GJC3: variants seen among roughly 807,000 people sequenced by gnomAD.
The protein encoded by GJC3 is gap junction protein gamma 3.
In GJC3, 17 loss-of-function variants were observed where a neutral mutation model predicts 19.8. The observed-to-expected ratio is 0.86, with a 90% CI of 0.59 to 1.29. The LOEUF (loss-of-function observed/expected upper bound fraction) is 1.29. GJC3 is among the 50% of genes most tolerant of loss of function. The pLI is 0.00. For synonymous variants in GJC3, 140 were observed against 136.5 expected (o/e 1.03, Z -0.18); for missense variants, 317 against 332.5 (o/e 0.95, Z 0.36).
rs1562786355 is a variant in GJC3, at chr7:99,929,091, C to T, written c.530G>A (p.Ser177Asn). The change falls in exon 1 of 2, where the codon AGT becomes AAT. Residue 177 changes from serine (S) to asparagine (N), a missense_variant. Coordinates refer to ENST00000312891, the MANE Select transcript of GJC3 (RefSeq NM_181538.3). ...FACRREPCLG[S>N]ITCNLSRPSE... ...GGGGCGGGACAGATTGCAGGTTATA[C>T]TACCAAGGCAAGGTTCTCGGCGACA... 10 of 1,613,974 alleles carry T rather than the reference C, an allele frequency of 6.2e-6. No homozygotes were observed. The highest frequency in any genetic ancestry group is 7.6e-6 in the Non-Finnish European group (9 of 1,180,044).
chr7:99,923,977 T>A (rs1383238619), intron 1 of GJC3, among the ~76,000 whole-genome samples: 2 of 152,186 alleles, frequency 1.3e-5, no homozygotes, highest in Non-Finnish European at 2.9e-5. Context: ...ATGTAACAGA[T>A]GCAGAATGTA....
intron 1 of GJC3, among the ~76,000 whole-genome samples, chr7:99,924,374 G>A (rs1346723428): frequency 6.6e-6 from 1 of 152,128 alleles, no homozygotes. Context: ...GATCACCTGA[G>A]GTCAGGAGTT....
In GJC3 at chr7:99,928,978, A is replaced by G. The variant is rs1385608399; in HGVS notation, c.643T>C (p.Leu215=). Residue 215 remains leucine (L), a synonymous_variant, in exon 1 of 2, where the codon TTG becomes CTG. Transcript: ENST00000312891. Reference sequence around the variant, plus strand: ...TTCCAGGTCCTCCACCATCTCCCCAAACCCAGAAGCACAAGCTCCAAAAAA... The same window carrying G: ...TTCCAGGTCCTCCACCATCTCCCCAGACCCAGAAGCACAAGCTCCAAAAAA... ...FTFLELVLLG[L]GRWWRTWKHK... 1 of 1,614,078 alleles carries G rather than the reference A, an allele frequency of 6.2e-7. No individual in the cohort carries two copies. The highest frequency in any genetic ancestry group is 1.3e-5 in the African/African-American group (1 of 74,924).
At chr7:99,926,914 G>T (rs1314534102) in intron 1 of GJC3, among the ~76,000 whole-genome samples, 1 of 152,152 alleles carries the variant, frequency 6.6e-6, no homozygotes, top group Non-Finnish European at 1.5e-5. Context: ...ACGAAAGCAG[G>T]GATTTATTGA....
chr7:99,923,607 T>C lies in GJC3; in HGVS notation c.782-4A>G. ...TGGGCTAAGCTTCTTCCTGGAACTT[T>C]TTAAAACAAAAATTCAAGATGTAAC... On this transcript the variant is annotated splice_polypyrimidine_tract_variant and splice_region_variant and intron_variant, in intron 1 of 1. Transcript: ENST00000312891. The C allele has an allele frequency of 1.3e-6, 1 of 781,044 alleles. No homozygotes were observed. The highest frequency in any genetic ancestry group is 2.4e-6 in the Non-Finnish European group (1 of 418,104). 48.4% of individuals were successfully genotyped at this position (781,044 alleles called of 1,614,324 possible).
Position 99,923,418 on chromosome 7 carries a change from A to G in GJC3, c.*127T>C. 1.3e-6 allele frequency: 1 copy of G among 765,054 alleles called. No homozygotes were observed. The highest frequency in any genetic ancestry group is 1.4e-5 in the South Asian group (1 of 72,962). The allele number at this position is 765,054 out of a possible 1,614,324, so 47.4% of individuals were successfully genotyped here. A position where few individuals can be genotyped will look rare whatever the true frequency, so the allele number is the denominator to read the frequency against. On this transcript the variant is annotated 3_prime_UTR_variant, in exon 2 of 2. Coordinates refer to ENST00000312891, the MANE Select transcript of GJC3 (RefSeq NM_181538.3). ...TTGTATGTAGAGGTGGAGTCAAGGCAGCGCAGTCCCAGTTGTCGGTTATGC... is the reference window on the plus strand; with the variant it reads ...TTGTATGTAGAGGTGGAGTCAAGGCGGCGCAGTCCCAGTTGTCGGTTATGC...
intron 1 of GJC3, among the ~76,000 whole-genome samples, chr7:99,927,171 G>C (rs1819819971): frequency 6.6e-6 from 1 of 152,230 alleles, no homozygotes; most frequent in Non-Finnish European, 1.5e-5. Flanking sequence ...TGGGGGTGTT[G>C]CAAAGGGAGT....
In GJC3 at chr7:99,929,393, G is replaced by C; in HGVS notation, c.228C>G (p.Phe76Leu). 1 of 1,614,152 alleles carries C rather than the reference G, an allele frequency of 6.2e-7. No homozygotes were observed. The highest frequency in any genetic ancestry group is 8.5e-7 in the Non-Finnish European group (1 of 1,180,012). Reference sequence around the variant, plus strand: ...CCACCAAGATGACCTGGAAGACCCAGAAACGCAGCGGGGAGAGGGGGTGGA... The same window carrying C: ...CCACCAAGATGACCTGGAAGACCCACAAACGCAGCGGGGAGAGGGGGTGGA... Reference protein sequence around the residue: ...DAFHPLSPLRFWVFQVILVAV... With the variant: ...DAFHPLSPLRLWVFQVILVAV... The change falls in exon 1 of 2, where the codon TTC (phenylalanine) becomes TTG (leucine). Residue 76 changes from phenylalanine to leucine, a missense_variant. Coordinates refer to ENST00000312891, the MANE Select transcript of GJC3 (RefSeq NM_181538.3).
intron 1 of GJC3, among the ~76,000 whole-genome samples, chr7:99,926,118 G>A (rs1281171429): frequency 6.6e-6 from 1 of 152,214 alleles, no homozygotes; most frequent in East Asian, 1.9e-4. Context: ...CAGATAACCT[G>A]AGGTCAGGAG....
chr7:99,927,810 G>A (rs1423467765), intron 1 of GJC3, among the ~76,000 whole-genome samples: 3 of 152,122 alleles, frequency 2.0e-5, no homozygotes, highest in Non-Finnish European at 4.4e-5. Context: ...TTTCTGTGTG[G>A]TATTGAGGGT....
At chr7:99,928,723 GT>G in intron 1 of GJC3, 116 bp downstream of exon 1, 2 of 944,664 alleles carry the variant, frequency 2.1e-6, no homozygotes, top group South Asian at 2.7e-5. Flanking sequence ...CTAGAACCTG[GT>G]TACCTACTTT....
chr7:99,929,488 C>G lies in GJC3; in HGVS notation c.133G>C (p.Gly45Arg). 1 of 1,614,132 alleles carries G rather than the reference C, an allele frequency of 6.2e-7. No homozygotes were observed. The highest frequency in any genetic ancestry group is 8.5e-7 in the Non-Finnish European group (1 of 1,180,024). Residue 45 changes from glycine to arginine, a missense_variant, in exon 1 of 2, where the codon GGT becomes CGT. Coordinates refer to ENST00000312891, the MANE Select transcript of GJC3 (RefSeq NM_181538.3). ...LLAASGPGVY[G>R]DEQSEFVCHT... ...CACACGAATTCACTCTGCTCATCACCATAGACTCCAGGCCCACTGGCAGCC... is the reference window on the plus strand; with the variant it reads ...CACACGAATTCACTCTGCTCATCACGATAGACTCCAGGCCCACTGGCAGCC...
At chr7:99,927,182 A>G (rs539032987) in intron 1 of GJC3, among the ~76,000 whole-genome samples, 1 of 152,370 alleles carries the variant, frequency 6.6e-6, no homozygotes, top group African/African-American at 2.4e-5. Flanking sequence ...CAAAGGGAGT[A>G]GCCTCTGGTC....
rs780813259 is a variant in GJC3 at position 99,929,209 on chromosome 7, C to T, written c.412G>A (p.Val138Met). ...AGSLRLLWAY[V>M]AQLGARLVLE... ...ACAAGCCGAGCCCCCAGCTGAGCCA[C>T]ATAAGCCCAGAGCAGCCTGAGGCTT... is the stretch of plus-strand genomic sequence containing the variant. Residue 138 changes from valine (V) to methionine (M), a missense_variant, in exon 1 of 2, where the codon GTG becomes ATG. Coordinates refer to ENST00000312891, the MANE Select transcript of GJC3 (RefSeq NM_181538.3). 23 of 1,614,064 alleles carry T rather than the reference C, an allele frequency of 1.4e-5. No homozygotes were observed. Among genetic ancestry groups the T allele is most frequent in the African/African-American group, 4.0e-5 (3 of 74,930 alleles).
chr7:99,927,734 C>T (rs941477298), intron 1 of GJC3, among the ~76,000 whole-genome samples: 5 of 152,180 alleles, frequency 3.3e-5, no homozygotes, highest in African/African-American at 1.2e-4. Flanking sequence ...CCGAATCACA[C>T]TGTGATGTCA....
intron 1 of GJC3, among the ~76,000 whole-genome samples, chr7:99,928,564 T>C (rs1243739936): frequency 6.6e-6 from 1 of 152,154 alleles, no homozygotes; most frequent in African/African-American, 2.4e-5. Flanking sequence ...GAGACCTAAA[T>C]GGAAGTTCAG....
chr7:99,929,014 G>T lies in GJC3; in HGVS notation c.607C>A (p.Leu203Ile). 6.2e-7 allele frequency: 1 copy of T among 1,614,030 alleles called. No homozygotes were observed. Among genetic ancestry groups the T allele is most frequent in the Admixed American group, 1.7e-5 (1 of 59,998 alleles). ...ACAAGCTCCAAAAAAGTAAACAAGAGACAGAAACCGCTGACTCCAAACATG... is the reference window on the plus strand; with the variant it reads ...ACAAGCTCCAAAAAAGTAAACAAGATACAGAAACCGCTGACTCCAAACATG... ...KTMFGVSGFC[L>I]LFTFLELVLL... is the part of the protein sequence containing the mutation. The change falls in exon 1 of 2, where the codon CTC becomes ATC. Residue 203 changes from leucine (L) to isoleucine (I), a missense_variant. Physicochemically the swap from Leu to Ile is conservative, Grantham distance 5. Transcript: ENST00000312891.
chr7:99,927,869 C>T (rs1819834040), intron 1 of GJC3, among the ~76,000 whole-genome samples: 1 of 152,178 alleles, frequency 6.6e-6, no homozygotes. Flanking sequence ...TGCTGCAGTT[C>T]TGGAGACAAT....
In GJC3 at chr7:99,923,488, C is replaced by A; in HGVS notation, c.*57G>T. 2 of 779,374 alleles carry A rather than the reference C, an allele frequency of 2.6e-6. No homozygotes were observed. Among genetic ancestry groups the A allele is most frequent in the Non-Finnish European group, 4.8e-6 (2 of 418,070 alleles). The allele number at this position is 779,374 out of a possible 1,614,324, so 48.3% of individuals were successfully genotyped here. A position where few individuals can be genotyped will look rare whatever the true frequency, so the allele number is the denominator to read the frequency against. On this transcript the variant is annotated 3_prime_UTR_variant, in exon 2 of 2. Transcript: ENST00000312891. ...ATAGAAAATGGTGAATAAGCTCCTC[C>A]TTGGACAGGATTTTAAGTATGGTGA...
Sources: gnomAD v4.1 joint callset for allele counts (sites outside exome capture counted in the v4.1 genomes callset) on GRCh38, gnomAD v4.1.1 for gene constraint, MANE v1.5 for transcripts, NCBI Gene and HGNC (gene_info 2026-07-23, HGNC 2026-07-21) for gene names.